Variants in ZNF556 observed in about 807,000 individuals in gnomAD.
The protein encoded by ZNF556 is zinc finger protein 556.
In ZNF556, 11 loss-of-function variants were observed where a neutral mutation model predicts 13.6. The ratio of observed to expected loss-of-function variants is 0.81; its 90% CI spans 0.51 to 1.33. The LOEUF (loss-of-function observed/expected upper bound fraction) is 1.33. ZNF556 is among the 40% of genes most tolerant of loss of function. The pLI is 0.00. For synonymous variants in ZNF556, 229 were observed against 207.8 expected, an observed-to-expected ratio of 1.10 and a Z score of -0.88; for missense variants, 633 against 566.2, an observed-to-expected ratio of 1.12 and a Z score of -1.20.
In ZNF556 at chr19:2,878,661, G is replaced by C. The variant is rs1355718281; in HGVS notation, c.*332G>C. On this transcript the variant is annotated 3_prime_UTR_variant, in exon 4 of 4. Coordinates refer to ENST00000307635, the MANE Select transcript of ZNF556 (RefSeq NM_024967.3). ...ACTGCACTCCAGCCTGGGTGACAGAGCGAGACTCCATCTCCAAAAAAAGAA... is the reference window on the plus strand; with the variant it reads ...ACTGCACTCCAGCCTGGGTGACAGACCGAGACTCCATCTCCAAAAAAAGAA... The C allele has an allele frequency of 1.1e-4, 20 of 183,214 alleles. No homozygotes were observed. 11.3% of individuals were successfully genotyped at this position (183,214 alleles called of 1,614,324 possible).
intron 3 of ZNF556, among the ~76,000 whole-genome samples, chr19:2,876,793 G>C (rs1042224838): frequency 1.3e-5 from 2 of 152,122 alleles, no homozygotes; most frequent in Non-Finnish European, 2.9e-5. Context: ...TTTTGTAATG[G>C]ACTGTGGTTG....
chr19:2,877,719 C>G lies in ZNF556; in HGVS notation c.761C>G (p.Ala254Gly). Residue 254 changes from alanine to glycine, a missense_variant, in exon 4 of 4, where the codon GCC (alanine) becomes GGC (glycine). Coordinates refer to ENST00000307635, the MANE Select transcript of ZNF556 (RefSeq NM_024967.3). ...KSFRAHVMMH[A>G]GGRPYECKHC... ...TTTCGCGCACATGTGATGATGCACGCCGGAGGGAGACCGTATGAGTGCAAG... is the reference window on the plus strand; with the variant it reads ...TTTCGCGCACATGTGATGATGCACGGCGGAGGGAGACCGTATGAGTGCAAG... 1 of 1,613,570 alleles carries G rather than the reference C, an allele frequency of 6.2e-7. No individual in the cohort carries two copies. Among genetic ancestry groups the G allele is most frequent in the Non-Finnish European group, 8.5e-7 (1 of 1,179,690 alleles).
chr19:2,879,283 A>G lies in ZNF556; in HGVS notation c.*954A>G, dbSNP rs957161282. The G allele has an allele frequency of 2.2e-5, 3 of 133,972 alleles. No homozygotes were observed. The Admixed American group carries it at 2.2e-4, about 10-fold the overall frequency. 8.3% of individuals were successfully genotyped at this position (133,972 alleles called of 1,614,324 possible). ...TAGTCTCGTGGGAACTATTTTTTTC[A>G]TCTGTTGCTGTTTGCTCTTTGACCT... On this transcript the variant is annotated 3_prime_UTR_variant, in exon 4 of 4. Coordinates refer to ENST00000307635, the MANE Select transcript of ZNF556 (RefSeq NM_024967.3).
At chr19:2,874,726 A>T (rs949483779) in intron 2 of ZNF556, among the ~76,000 whole-genome samples, 1 of 143,818 alleles carries the variant, frequency 7.0e-6, no homozygotes, top group Admixed American at 7.1e-5. Context: ...CCTGGGTGAC[A>T]GAGTAAGACT....
At chr19:2,874,282 A>G (rs917207723) in intron 2 of ZNF556, among the ~76,000 whole-genome samples, 5 of 151,954 alleles carry the variant, frequency 3.3e-5, no homozygotes, top group Admixed American at 3.3e-4. Context: ...AAATAAATAA[A>G]TATTTCTTGC....
rs1002329093 is a variant in ZNF556 at position 2,879,944 on chromosome 19, G to A, written c.*1615G>A. On this transcript the variant is annotated 3_prime_UTR_variant, in exon 4 of 4. Transcript: ENST00000307635. Reference sequence around the variant, plus strand: ...ACTCGGGAGGCTGAGGCAGGAGGATGGCGTGAACCTGGGAGGCGAAGCTTG... The same window carrying A: ...ACTCGGGAGGCTGAGGCAGGAGGATAGCGTGAACCTGGGAGGCGAAGCTTG... 1.3e-5 allele frequency: 2 copies of A among 152,096 alleles called. No homozygotes were observed. The highest frequency in any genetic ancestry group is 4.8e-5 in the African/African-American group (2 of 41,414). 9.4% of individuals were successfully genotyped at this position (152,096 alleles called of 1,614,324 possible).
rs142151079 is a variant in ZNF556 at position 2,872,233 on chromosome 19, G to A, written c.4-1263G>A. 8.5e-3 allele frequency among the ~76,000 whole-genome samples: 1,278 copies of A among 149,942 alleles called. 15 individuals carry two copies. The highest frequency in any genetic ancestry group is 0.03 in the African/African-American group (1,232 of 40,734). ...AGTAGAGTCTTCTCTAAACTCCCCCGGGGGAAGGGAGACTCCCCTTTCCTG... is the reference window on the plus strand; with the variant it reads ...AGTAGAGTCTTCTCTAAACTCCCCCAGGGGAAGGGAGACTCCCCTTTCCTG... On this transcript the variant is annotated intron_variant, in intron 1 of 3. Coordinates refer to ENST00000307635, the MANE Select transcript of ZNF556 (RefSeq NM_024967.3).
At position 2,877,579 on chromosome 19, in the gene ZNF556, T is replaced by C. The variant is rs2087865448; in HGVS notation, c.621T>C (p.Ser207=). The C allele has an allele frequency of 6.2e-7, 1 of 1,614,152 alleles. No individual in the cohort carries two copies. Among genetic ancestry groups the C allele is most frequent in the Non-Finnish European group, 8.5e-7 (1 of 1,180,026 alleles). ...HSGEKPYACQ[S]CGKTFLRSHS... ...GAGAGAAACCCTATGCCTGTCAATC[T>C]TGCGGGAAGACATTTCTTCGTTCCC... The change falls in exon 4 of 4, where the codon TCT becomes TCC. Residue 207 remains serine, a synonymous_variant. Coordinates refer to ENST00000307635, the MANE Select transcript of ZNF556 (RefSeq NM_024967.3).
chr19:2,873,082 G>A (rs2087818663), intron 1 of ZNF556, among the ~76,000 whole-genome samples: 2 of 150,702 alleles, frequency 1.3e-5, no homozygotes, highest in East Asian at 1.9e-4. Context: ...GCAGTGAGCC[G>A]AGATCGCCCT....
In ZNF556 at chr19:2,876,269, C is replaced by G. The variant is rs768643375; in HGVS notation, c.307C>G (p.His103Asp). The G allele has an allele frequency of 6.3e-7, 1 of 1,589,170 alleles. No homozygotes were observed. Among genetic ancestry groups the G allele is most frequent in the South Asian group, 1.2e-5 (1 of 86,048 alleles). ...AGACAAGCACAACACCAAGGAGAGA[C>G]ATTTGAGGTGAGTTGTACTTAGAAG... ...VKDKHNTKERHLSRNPRVERP... is the reference protein window; with the variant it reads ...VKDKHNTKERDLSRNPRVERP... Residue 103 changes from histidine to aspartate, a missense_variant, in exon 3 of 4, where the codon CAT becomes GAT. Transcript: ENST00000307635.
chr19:2,869,895 G>A (rs1032455681), intron 1 of ZNF556, among the ~76,000 whole-genome samples: 1 of 152,026 alleles, frequency 6.6e-6, no homozygotes, highest in Non-Finnish European at 1.5e-5. Context: ...TCCCCACAAA[G>A]TGATGTGCCT....
In ZNF556 at chr19:2,880,610, A is replaced by G. The variant is rs1196348999; in HGVS notation, c.*2281A>G. ...CGGTGAAACCCCATCTCTACTAAAA[A>G]TACAAAATATTAGTGGGGTGTGCTG... On this transcript the variant is annotated 3_prime_UTR_variant, in exon 4 of 4. Transcript: ENST00000307635. 3 of 152,016 alleles carry G rather than the reference A, an allele frequency of 2.0e-5. No homozygotes were observed. Among genetic ancestry groups the G allele is most frequent in the Admixed American group, 6.6e-5 (1 of 15,234 alleles). 9.4% of individuals were successfully genotyped at this position (152,016 alleles called of 1,614,324 possible).
intron 1 of ZNF556, among the ~76,000 whole-genome samples, chr19:2,872,684 TGGC>T (rs1176539895): frequency 6.6e-6 from 1 of 151,958 alleles, no homozygotes. Context: ...ACAGGTGTGG[TGGC>T]GGGCACCTGT....
rs531264951 is a variant in ZNF556 at position 2,882,432 on chromosome 19, A to T, written c.*4103A>T. 156 of 152,046 alleles carry T rather than the reference A, an allele frequency of 1.0e-3. No individual in the cohort carries two copies. The highest frequency in any genetic ancestry group is 3.6e-3 in the African/African-American group (149 of 41,496). The allele number at this position is 152,046 out of a possible 1,614,324, so 9.4% of individuals were successfully genotyped here. ...GACTGAGTGGGACTCTGTCTCAAAA[A>T]AAAAAAGAGACAAAAGGTATATTTA... On this transcript the variant is annotated 3_prime_UTR_variant, in exon 4 of 4. Transcript: ENST00000307635.
Position 2,867,724 on chromosome 19 carries a change from CAA to C in ZNF556, c.3+313_3+314del, listed in dbSNP as rs780342260. ...CTAACCCAAAGTACAAAAAACAAAA[CAA>C]AAAAAAAAAAAACCTCACCCCAGCG... On this transcript the variant is annotated intron_variant, in intron 1 of 3. Coordinates refer to ENST00000307635, the MANE Select transcript of ZNF556 (RefSeq NM_024967.3). 3.8e-3 allele frequency among the ~76,000 whole-genome samples: 507 copies of C among 134,320 alleles called. 10 individuals carry two copies. Among genetic ancestry groups the C allele is most frequent in the African/African-American group, 0.013 (488 of 37,442 alleles). 88.1% of individuals were successfully genotyped at this position (134,320 alleles called of 152,430 possible).
At position 2,878,657 on chromosome 19, in the gene ZNF556, CAG is replaced by C. The variant is rs2087882384; in HGVS notation, c.*331_*332del. On this transcript the variant is annotated 3_prime_UTR_variant, in exon 4 of 4. Transcript: ENST00000307635. ...CACCACTGCACTCCAGCCTGGGTGA[CAG>C]AGCGAGACTCCATCTCCAAAAAAAG... 5.4e-6 allele frequency: 1 copy of C among 186,878 alleles called. No individual in the cohort carries two copies. The highest frequency in any genetic ancestry group is 2.4e-5 in the African/African-American group (1 of 42,044). 11.6% of individuals were successfully genotyped at this position (186,878 alleles called of 1,614,324 possible).
At chr19:2,871,935 AG>A (rs1292220900) in intron 1 of ZNF556, among the ~76,000 whole-genome samples, 1 of 152,182 alleles carries the variant, frequency 6.6e-6, no homozygotes, top group Non-Finnish European at 1.5e-5. Flanking sequence ...TCCACTGGAC[AG>A]GGGGCCCTTC....
chr19:2,875,907 T>C (rs1438425647), intron 2 of ZNF556, among the ~76,000 whole-genome samples, 186 bp from the exon 3 acceptor site: 1 of 152,066 alleles, frequency 6.6e-6, no homozygotes, highest in African/African-American at 2.4e-5. Context: ...GAGTTTGCAG[T>C]GAGCCGAGAT....
In ZNF556 at chr19:2,877,429, C is replaced by G. The variant is rs1183448256; in HGVS notation, c.471C>G (p.Thr157=). The G allele has an allele frequency of 7.4e-6, 12 of 1,613,974 alleles. No individual in the cohort carries two copies. The highest frequency in any genetic ancestry group is 1.0e-5 in the Non-Finnish European group (12 of 1,180,026). Reference sequence around the variant, plus strand: ...GCAGTCAGTGTGGAAAACTCTTCACCCATTCCTCATCCCTGATAAGGCACA... The same window carrying G: ...GCAGTCAGTGTGGAAAACTCTTCACGCATTCCTCATCCCTGATAAGGCACA... The part of the protein sequence containing the change: ...YECSQCGKLF[T]HSSSLIRHKR... Residue 157 remains threonine (T), a synonymous_variant, in exon 4 of 4, where the codon ACC becomes ACG. Transcript: ENST00000307635.
Sources: gnomAD v4.1 joint callset for allele counts (sites outside exome capture counted in the v4.1 genomes callset) on GRCh38, gnomAD v4.1.1 for gene constraint, MANE v1.5 for transcripts, NCBI Gene and HGNC (gene_info 2026-07-23, HGNC 2026-07-21) for gene names.